Variants in SMYD3 observed in about 807,000 individuals in gnomAD.
SMYD3 encodes histone-lysine N-methyltransferase SMYD3.
SMYD3 carries 36 observed loss-of-function variants against 57.7 expected under a neutral mutation model. That is an observed-to-expected ratio of 0.62 (90% CI 0.48 to 0.82). The LOEUF (loss-of-function observed/expected upper bound fraction) is 0.82, where lower values mean the gene tolerates loss of function less well. Among genes scored for constraint, SMYD3 ranks in the 40% least tolerant of loss-of-function variants. SMYD3 has a pLI of 0.00. For synonymous variants in SMYD3, 211 were observed against 195.0 expected (o/e 1.08, Z -0.68); for missense variants, 515 against 538.8 (o/e 0.96, Z 0.44).
At chr1:245,871,400 G>A (rs900405800) in intron 8 of SMYD3, among the ~76,000 whole-genome samples, 1 of 152,138 alleles carries the variant, frequency 6.6e-6, no homozygotes, top group African/African-American at 2.4e-5. Flanking sequence ...TAACTTGAGG[G>A]GAAAAGTGGC....
At chr1:246,128,058 G>A (rs900574401) in intron 5 of SMYD3, among the ~76,000 whole-genome samples, 6 of 152,118 alleles carry the variant, frequency 3.9e-5, no homozygotes, top group African/African-American at 1.4e-4. Flanking sequence ...AATGCAGTAA[G>A]GGTAGAAATG....
At chr1:246,250,459 C>G (rs1424332487) in intron 5 of SMYD3, among the ~76,000 whole-genome samples, 1 of 152,116 alleles carries the variant, frequency 6.6e-6, no homozygotes, top group East Asian at 1.9e-4. Flanking sequence ...TTCACCAGTC[C>G]AAACACGTAA....
chr1:246,307,180 T>C (rs10802390), intron 5 of SMYD3, among the ~76,000 whole-genome samples: 23,218 of 152,124 alleles, frequency 0.15, 2,252 homozygotes, highest in East Asian at 0.42. Flanking sequence ...GTGCTGAATT[T>C]GTCCTTTTAT....
At chr1:246,145,690 A>G (rs2061831983) in intron 5 of SMYD3, among the ~76,000 whole-genome samples, 1 of 152,160 alleles carries the variant, frequency 6.6e-6, no homozygotes, top group South Asian at 2.1e-4. Flanking sequence ...TGACTTTCCG[A>G]CCTGAGAAAA....
At chr1:246,153,189 T>G (rs1312280975) in intron 5 of SMYD3, among the ~76,000 whole-genome samples, 1 of 152,146 alleles carries the variant, frequency 6.6e-6, no homozygotes, top group African/African-American at 2.4e-5. Flanking sequence ...GCCACAGCCC[T>G]GCTACCAACT....
At chr1:246,225,536 C>T (rs2063318646) in intron 5 of SMYD3, among the ~76,000 whole-genome samples, 1 of 152,056 alleles carries the variant, frequency 6.6e-6, no homozygotes, top group African/African-American at 2.4e-5. Flanking sequence ...AAGTTGTGCA[C>T]AAGTGTGTGA....
chr1:246,155,596 C>T (rs2062009813), intron 5 of SMYD3, among the ~76,000 whole-genome samples: 1 of 152,202 alleles, frequency 6.6e-6, no homozygotes. Flanking sequence ...ATTGGTTCAT[C>T]TTTCACCAAA....
At chr1:246,218,675 A>G (rs972385620) in intron 5 of SMYD3, among the ~76,000 whole-genome samples, 10 of 151,942 alleles carry the variant, frequency 6.6e-5, no homozygotes, top group African/African-American at 1.7e-4. Context: ...GCTGACTGCT[A>G]TGCAAGTTGT....
At chr1:246,275,758 T>TAA (rs1367616787) in intron 5 of SMYD3, among the ~76,000 whole-genome samples, 16 of 151,908 alleles carry the variant, frequency 1.1e-4, no homozygotes, top group Non-Finnish European at 1.5e-4. Flanking sequence ...GATGCCCATG[T>TAA]TTGAATACTA....
At chr1:245,785,357 T>A (rs2046991598) in intron 10 of SMYD3, among the ~76,000 whole-genome samples, 1 of 152,090 alleles carries the variant, frequency 6.6e-6, no homozygotes, top group Admixed American at 6.5e-5. Context: ...ATCCAGGTAT[T>A]ATGTTATAAC....
At chr1:246,358,121 T>C (rs1475578502) in intron 1 of SMYD3, among the ~76,000 whole-genome samples, 2 of 152,048 alleles carry the variant, frequency 1.3e-5, no homozygotes, top group African/African-American at 2.4e-5. Context: ...GGGTGGAAAA[T>C]GACATTCCAT....
At position 245,756,403 on chromosome 1, in the gene SMYD3, G is replaced by A. The variant is rs561343886; in HGVS notation, c.1186-6739C>T. Among the ~76,000 whole-genome samples, 20 of 151,926 alleles carry A rather than the reference G, an allele frequency of 1.3e-4. No individual in the cohort carries two copies. In the South Asian group the frequency reaches 2.7e-3, roughly 21 times the overall value. On this transcript the variant is annotated intron_variant, in intron 11 of 11. Transcript: ENST00000490107. ...ATCAAACAATCTAGAAAACTCAAGG[G>A]GAGAAGGAAAGATCATTTTACTTAC...
chr1:245,809,001 C>T lies in SMYD3; in HGVS notation c.1077-44852G>A, dbSNP rs1022546016. Among the ~76,000 whole-genome samples, 5 of 152,120 alleles carry T rather than the reference C, an allele frequency of 3.3e-5. No homozygotes were observed. The South Asian group carries it at 8.3e-4, about 25-fold the overall frequency. Reference sequence around the variant, plus strand: ...TGGTCTTGGACTCCTGACCTCCGCCCGCCTCGGCCTCCCAAAGTGCTGGGA... The same window carrying T: ...TGGTCTTGGACTCCTGACCTCCGCCTGCCTCGGCCTCCCAAAGTGCTGGGA... On this transcript the variant is annotated intron_variant, in intron 10 of 11. Coordinates refer to ENST00000490107, the MANE Select transcript of SMYD3 (RefSeq NM_001167740.2).
intron 1 of SMYD3, among the ~76,000 whole-genome samples, chr1:246,496,123 G>T (rs1420263160): frequency 6.6e-6 from 1 of 151,804 alleles, no homozygotes; most frequent in East Asian, 1.9e-4. Context: ...CGTAACCTCT[G>T]CCTCCCGGGT....
At chr1:246,502,964 A>G (rs2068479956) in intron 1 of SMYD3, among the ~76,000 whole-genome samples, 1 of 152,124 alleles carries the variant, frequency 6.6e-6, no homozygotes, top group Non-Finnish European at 1.5e-5. Flanking sequence ...CTATCTAGCC[A>G]CTTCCTTCTA....
intron 5 of SMYD3, among the ~76,000 whole-genome samples, chr1:246,133,392 C>T (rs573350730): frequency 6.6e-6 from 1 of 152,088 alleles, no homozygotes. Flanking sequence ...TTTCCCATAA[C>T]AAATCTCCAC....
chr1:246,033,147 C>T (rs889044684), intron 5 of SMYD3, among the ~76,000 whole-genome samples: 2 of 151,884 alleles, frequency 1.3e-5, no homozygotes, highest in Non-Finnish European at 2.9e-5. Context: ...CTGGAAGCAA[C>T]ACAGATGTCC....
chr1:245,772,877 G>A (rs2148097223), intron 10 of SMYD3, among the ~76,000 whole-genome samples: 1 of 152,160 alleles, frequency 6.6e-6, no homozygotes, highest in East Asian at 1.9e-4. Context: ...TACAAGATTT[G>A]GGCTGAAGAC....
At chr1:246,167,899 G>A (rs1003171302) in intron 5 of SMYD3, among the ~76,000 whole-genome samples, 2 of 152,142 alleles carry the variant, frequency 1.3e-5, no homozygotes, top group African/African-American at 4.8e-5. Context: ...TATCTTCTTT[G>A]GAGAAAGGTC....
Sources: gnomAD v4.1 joint callset for allele counts (sites outside exome capture counted in the v4.1 genomes callset) on GRCh38, gnomAD v4.1.1 for gene constraint, MANE v1.5 for transcripts, NCBI Gene and HGNC (gene_info 2026-07-23, HGNC 2026-07-21) for gene names.